The following DAB1 variants were observed in gnomAD, a reference collection of about 807,000 sequenced individuals.
The protein encoded by DAB1 is DAB adaptor protein 1.
A neutral mutation model predicts 64.6 loss-of-function variants in DAB1; 15 were observed. The ratio of observed to expected loss-of-function variants is 0.23; its 90% CI spans 0.16 to 0.36. The LOEUF (loss-of-function observed/expected upper bound fraction) is 0.36, where lower values mean the gene tolerates loss of function less well. DAB1 is among the 10% of genes least tolerant of loss of function. The probability of loss-of-function intolerance (pLI) is 1.00; values close to 1 mark genes in which losing one functional copy is unlikely to be tolerated. For synonymous variants in DAB1, 235 were observed against 251.9 expected, an observed-to-expected ratio of 0.93 and a Z score of 0.64; for missense variants, 596 against 706.7, an observed-to-expected ratio of 0.84 and a Z score of 1.78.
chr1:57,848,194 G>A (rs967265580), intron 1 of DAB1, among the ~76,000 whole-genome samples: 2 of 152,132 alleles, frequency 1.3e-5, no homozygotes, highest in African/African-American at 2.4e-5. Flanking sequence ...AGGATACAAA[G>A]AAAACTTCAA....
chr1:57,114,377 G>A (rs1416811907), intron 4 of DAB1, among the ~76,000 whole-genome samples: 1 of 152,044 alleles, frequency 6.6e-6, no homozygotes, highest in Non-Finnish European at 1.5e-5. Context: ...ACTTAAAAGG[G>A]GGTTGGCAAA....
At chr1:58,418,055 G>A (rs1644738420) in intron 3 of DAB1, among the ~76,000 whole-genome samples, 2 of 152,088 alleles carry the variant, frequency 1.3e-5, no homozygotes, top group Admixed American at 1.3e-4. Context: ...CTCAGCTGCA[G>A]TGAGCCTCCC....
rs369083441 is a variant in DAB1 at position 57,499,275 on chromosome 1, C to T, written n.625+150317G>A. Among the ~76,000 whole-genome samples, 53 of 152,152 alleles carry T rather than the reference C, an allele frequency of 3.5e-4. 1 individual carries two copies. In the South Asian group the frequency reaches 0.011, roughly 31 times the overall value. ...AGGCGTGAGCCACTGCACCCAGCCA[C>T]GTTTATATGTTTAATGGAGGAAGGT... is the stretch of plus-strand genomic sequence containing the variant. On this transcript the variant is annotated intron_variant and non_coding_transcript_variant, in intron 7 of 20. Transcript: ENST00000485760.
At chr1:57,221,461 T>C (rs1666867746) in intron 2 of DAB1, among the ~76,000 whole-genome samples, 1 of 150,544 alleles carries the variant, frequency 6.6e-6, no homozygotes, top group Admixed American at 6.6e-5. Flanking sequence ...AAAAAAGACA[T>C]GCTTAAGGTC....
intron 1 of DAB1, among the ~76,000 whole-genome samples, chr1:57,392,145 G>T (rs542539950): frequency 6.6e-6 from 1 of 152,074 alleles, no homozygotes; most frequent in African/African-American, 2.4e-5. Flanking sequence ...AGGCCAAGGC[G>T]GACAGATCAC....
chr1:58,483,372 G>A (rs1645522109), intron 3 of DAB1, among the ~76,000 whole-genome samples: 1 of 152,190 alleles, frequency 6.6e-6, no homozygotes, highest in Admixed American at 6.5e-5. Context: ...AGAGGGACTT[G>A]TAGTCAGATG....
intron 6 of DAB1, among the ~76,000 whole-genome samples, chr1:57,814,709 A>G (rs1011801003): frequency 6.6e-6 from 1 of 152,196 alleles, no homozygotes; most frequent in African/African-American, 2.4e-5. Flanking sequence ...CAAAATCAAG[A>G]TTTGAATCTG....
At chr1:57,223,047 C>A (rs561300061) in intron 2 of DAB1, among the ~76,000 whole-genome samples, 2 of 152,178 alleles carry the variant, frequency 1.3e-5, no homozygotes, top group Non-Finnish European at 2.9e-5. Context: ...GCTGACACTT[C>A]TCCTGTCCTT....
At chr1:57,018,425 T>A (rs1265818584) in intron 11 of DAB1, among the ~76,000 whole-genome samples, 1 of 152,228 alleles carries the variant, frequency 6.6e-6, no homozygotes, top group Non-Finnish European at 1.5e-5. Flanking sequence ...TACATATATT[T>A]TTATTACAAG....
At chr1:58,118,579 CA>C (rs1170096760) in intron 5 of DAB1, among the ~76,000 whole-genome samples, 1 of 91,902 alleles carries the variant, frequency 1.1e-5, no homozygotes, top group Non-Finnish European at 2.1e-5. Context: ...TATATATATA[CA>C]TATATATATA....
At chr1:57,762,183 T>C (rs1649116385) in intron 6 of DAB1, among the ~76,000 whole-genome samples, 1 of 152,202 alleles carries the variant, frequency 6.6e-6, no homozygotes, top group African/African-American at 2.4e-5. Context: ...AATAAGACTG[T>C]TGATTCCTCT....
intron 4 of DAB1, among the ~76,000 whole-genome samples, chr1:58,300,305 G>A (rs1662091286): frequency 6.6e-6 from 1 of 151,944 alleles, no homozygotes; most frequent in South Asian, 2.1e-4. Flanking sequence ...CAGCACTTTG[G>A]GAGGCTGAGA....
At chr1:58,509,919 A>G (rs1646048138) in intron 2 of DAB1, among the ~76,000 whole-genome samples, 1 of 152,164 alleles carries the variant, frequency 6.6e-6, no homozygotes, top group Non-Finnish European at 1.5e-5. Flanking sequence ...TCCAAGAAAT[A>G]TACAACCCAC....
intron 6 of DAB1, among the ~76,000 whole-genome samples, chr1:57,742,272 G>A (rs947921912): frequency 6.6e-6 from 1 of 152,180 alleles, no homozygotes; most frequent in Admixed American, 6.5e-5. Context: ...GGCGCAGGCA[G>A]CAGCAGATGA....
rs1326310272 is a variant in DAB1 at position 57,097,497 on chromosome 1, C to A, written c.307-25083G>T. On this transcript the variant is annotated intron_variant, in intron 4 of 14. Transcript: ENST00000371236. The stretch of plus-strand genomic sequence containing the variant: ...TGATGTATGTCACTTAGGTTATAAT[C>A]AGATATAGTTGCATGGCTATTAATT... 2.6e-5 allele frequency among the ~76,000 whole-genome samples: 4 copies of A among 152,154 alleles called. No individual in the cohort carries two copies. The East Asian group carries it at 5.8e-4, about 22-fold the overall frequency.
intron 6 of DAB1, among the ~76,000 whole-genome samples, chr1:57,680,629 C>T (rs1238648354): frequency 1.3e-5 from 2 of 152,116 alleles, no homozygotes; most frequent in Non-Finnish European, 2.9e-5. Flanking sequence ...ATTATGCTCC[C>T]CTCTTCCACT....
intron 6 of DAB1, among the ~76,000 whole-genome samples, chr1:57,753,182 A>G (rs1395458804): frequency 1.3e-5 from 2 of 152,148 alleles, no homozygotes; most frequent in African/African-American, 2.4e-5. Flanking sequence ...TGCCCTCAAC[A>G]TGACATTTAA....
intron 5 of DAB1, among the ~76,000 whole-genome samples, chr1:58,041,782 C>T (rs919488702): frequency 2.0e-5 from 3 of 152,150 alleles, no homozygotes; most frequent in Admixed American, 6.5e-5. Flanking sequence ...TGAAGGATTA[C>T]GAGGCTGCAT....
At chr1:57,893,683 C>T (rs561580400) in intron 5 of DAB1, among the ~76,000 whole-genome samples, 26 of 152,100 alleles carry the variant, frequency 1.7e-4, no homozygotes, top group Non-Finnish European at 3.5e-4. Context: ...AGTAGCTAGT[C>T]AGACATAAAC....
Sources: gnomAD v4.1 joint callset for allele counts (sites outside exome capture counted in the v4.1 genomes callset) on GRCh38, gnomAD v4.1.1 for gene constraint, MANE v1.5 for transcripts, NCBI Gene and HGNC (gene_info 2026-07-23, HGNC 2026-07-21) for gene names.